The following MAF variants were observed in gnomAD, a reference collection of about 807,000 sequenced individuals.
MAF encodes the protein transcription factor Maf.
In MAF, 10 loss-of-function variants were observed where a neutral mutation model predicts 22.0. That is an observed-to-expected ratio of 0.45 (90% CI 0.28 to 0.77). The LOEUF (loss-of-function observed/expected upper bound fraction) is 0.77. Among genes scored for constraint, MAF ranks in the 30% least tolerant of loss-of-function variants. MAF has a pLI of 0.12. For missense variants in MAF, 544 were observed against 548.4 expected (o/e 0.99, Z 0.08); for synonymous variants, 337 against 255.8 (o/e 1.32, Z -3.03).
chr16:79,461,396 A>G, the MAF span, among the ~76,000 whole-genome samples: 1 of 152,220 alleles, frequency 6.6e-6, no homozygotes, highest in South Asian at 2.1e-4. Flanking sequence ...CAACTTGGGA[A>G]CCCAGTCTCC....
chr16:79,528,466 T>C, the MAF span, among the ~76,000 whole-genome samples: 588 of 152,250 alleles, frequency 3.9e-3, 7 homozygotes, highest in South Asian at 0.012. Context: ...CTGAGCAGAA[T>C]CATCCAAGCC....
chr16:79,422,311 G>A, the MAF span, among the ~76,000 whole-genome samples: 1 of 152,118 alleles, frequency 6.6e-6, no homozygotes, highest in Non-Finnish European at 1.5e-5. Context: ...AAAGTGAAGG[G>A]GCTTTTCCTT....
At chr16:79,203,406 A>G in the MAF span, 1 of 151,960 alleles carries the variant, frequency 6.6e-6, no homozygotes, top group East Asian at 1.9e-4. Flanking sequence ...GATCTGAATT[A>G]TTGCAAAGTA....
At chr16:79,564,547 C>T in the MAF span, among the ~76,000 whole-genome samples, 5 of 152,174 alleles carry the variant, frequency 3.3e-5, no homozygotes, top group Non-Finnish European at 5.9e-5. Context: ...CTGAAGAAGC[C>T]GCACTGTTTA....
chr16:79,526,294 C>T, the MAF span, among the ~76,000 whole-genome samples: 1 of 152,144 alleles, frequency 6.6e-6, no homozygotes, highest in Non-Finnish European at 1.5e-5. Flanking sequence ...GTTAGATTCT[C>T]ATAAGGAGAC....
the MAF span, among the ~76,000 whole-genome samples, chr16:79,225,319 C>G: frequency 6.6e-6 from 1 of 152,136 alleles, no homozygotes; most frequent in Non-Finnish European, 1.5e-5. Flanking sequence ...ATGCAGAAAA[C>G]AGAAACTGGA....
At chr16:79,595,210 T>C in intron 1 of MAF, 1 of 1,043,398 alleles carries the variant, frequency 9.6e-7, no homozygotes, top group East Asian at 5.7e-5. Flanking sequence ...TTAAGACTTT[T>C]GTTAAGCAAA....
At chr16:79,247,819 T>C in the MAF span, among the ~76,000 whole-genome samples, 1 of 152,220 alleles carries the variant, frequency 6.6e-6, no homozygotes, top group African/African-American at 2.4e-5. Flanking sequence ...TGGAAGATAC[T>C]GTCATAGCAC....
the MAF span, among the ~76,000 whole-genome samples, chr16:79,490,789 G>C: frequency 6.6e-6 from 1 of 152,186 alleles, no homozygotes. Context: ...CCATAATGCA[G>C]TGAAGGTAAC....
chr16:79,304,895 T>C, the MAF span, among the ~76,000 whole-genome samples: 296 of 152,312 alleles, frequency 1.9e-3, 3 homozygotes, highest in African/African-American at 6.7e-3. Context: ...GGTGTTGCAA[T>C]GCAGCTGCTT....
At chr16:79,597,552 G>T (rs1470079676) in intron 1 of MAF, 2 of 1,022,742 alleles carry the variant, frequency 2.0e-6, no homozygotes, top group South Asian at 9.3e-5. Context: ...TGGTATCTTT[G>T]ACAAGGAATG....
At chr16:79,389,716 C>G in the MAF span, among the ~76,000 whole-genome samples, 1 of 152,068 alleles carries the variant, frequency 6.6e-6, no homozygotes, top group Admixed American at 6.6e-5. Flanking sequence ...GTGGCTCACG[C>G]CTGTAATCCC....
At chr16:79,534,743 A>AAAAG in the MAF span, among the ~76,000 whole-genome samples, 1 of 152,224 alleles carries the variant, frequency 6.6e-6, no homozygotes, top group South Asian at 2.1e-4. Context: ...TAATTTAAAA[A>AAAAG]AAAGAAAGAA....
At chr16:79,404,118 T>C in the MAF span, among the ~76,000 whole-genome samples, 2 of 152,106 alleles carry the variant, frequency 1.3e-5, no homozygotes, top group East Asian at 3.9e-4. Context: ...AGTGAAGATG[T>C]CCGATTTGTA....
the MAF span, among the ~76,000 whole-genome samples, chr16:79,426,036 C>A: frequency 6.6e-6 from 1 of 152,122 alleles, no homozygotes. Flanking sequence ...GAAACCCTGT[C>A]TCTACTAAAA....
chr16:79,340,695 T>C, the MAF span, among the ~76,000 whole-genome samples: 1 of 151,996 alleles, frequency 6.6e-6, no homozygotes, highest in South Asian at 2.1e-4. Flanking sequence ...ATCTTGCTCA[T>C]TGTAGGGTGG....
chr16:79,214,429 C>G, the MAF span, among the ~76,000 whole-genome samples: 1 of 152,138 alleles, frequency 6.6e-6, no homozygotes, highest in African/African-American at 2.4e-5. Flanking sequence ...GCTAAGCAGG[C>G]TACATTACCA....
the MAF span, among the ~76,000 whole-genome samples, chr16:79,418,790 C>A: frequency 6.8e-3 from 1,033 of 152,206 alleles, 14 homozygotes; most frequent in Middle Eastern, 0.01. Flanking sequence ...TTTTCATTAT[C>A]TCATATCAGG....
chr16:79,363,499 TTTAC>T, the MAF span, among the ~76,000 whole-genome samples: 1,433 of 152,312 alleles, frequency 9.4e-3, 24 homozygotes, highest in African/African-American at 0.031. Context: ...TATTGAATAC[TTTAC>T]TTACTTACTT....
Sources: allele counts gnomAD v4.1 joint callset (sites outside exome capture counted in the v4.1 genomes callset), GRCh38; gene constraint gnomAD v4.1.1; transcripts MANE v1.5; gene names NCBI Gene and HGNC (gene_info 2026-07-23, HGNC 2026-07-21).